Variants in ALS2 observed in about 807,000 individuals in gnomAD.
The protein encoded by ALS2 is alsin.
A neutral mutation model predicts 203.4 loss-of-function variants in ALS2; 117 were observed. The observed-to-expected ratio is 0.58, with a 90% confidence interval of 0.50 to 0.67. The LOEUF is 0.67. ALS2 is among the 30% of genes least tolerant of loss of function. The pLI is 0.00. For synonymous variants in ALS2, 718 were observed against 725.9 expected (o/e 0.99, Z 0.17); for missense variants, 1,715 against 1,989.4 (o/e 0.86, Z 2.62).
At chr2:201,776,171 T>C (rs771685774) in intron 1 of ALS2, among the ~76,000 whole-genome samples, 36 of 152,354 alleles carry the variant, frequency 2.4e-4, no homozygotes, top group African/African-American at 7.5e-4. Context: ...TTTTATCTCA[T>C]GTCACTTTAA....
chr2:201,727,257 T>A lies in ALS2; in HGVS notation c.2934A>T (p.Thr978=). ...AAATGAGAGTGAACTGCTCCTCAGG[T>A]GTAGTTATCTTTAAGCCATTCCTAA... ...AGGVNGLKIT[T]PEEQFTLISS... Residue 978 remains threonine (T), a synonymous_variant, in exon 17 of 34, where the codon ACA becomes ACT. Coordinates refer to ENST00000264276, the MANE Select transcript of ALS2 (RefSeq NM_020919.4). The A allele has an allele frequency of 6.2e-7, 1 of 1,613,450 alleles. No homozygotes were observed.
intron 33 of ALS2, among the ~76,000 whole-genome samples, chr2:201,703,662 C>T (rs1689518965): frequency 6.6e-6 from 1 of 152,070 alleles, no homozygotes; most frequent in Non-Finnish European, 1.5e-5. Flanking sequence ...CCAGGCCACC[C>T]AGATCAAAGA....
rs1469419561 is a variant in ALS2, at chr2:201,753,208, T to C, written c.1675A>G (p.Lys559Glu). The change falls in exon 7 of 34, where the codon AAA becomes GAA. Residue 559 changes from lysine to glutamate, a missense_variant. By Grantham distance (56) the Lys-to-Glu change is moderately conservative. This residue lies in a region of ALS2 where 1,227 missense variants were observed against 1,413.5 expected (regional missense o/e 0.87). Coordinates refer to ENST00000264276, the MANE Select transcript of ALS2 (RefSeq NM_020919.4). ...QPLCVKCLDG[K>E]EVIHLEAGGY... ...CCTGCCTCCAGATGGATTACTTCTTTGCCATCCAGACATTTTACACACAAC... is the reference window on the plus strand; with the variant it reads ...CCTGCCTCCAGATGGATTACTTCTTCGCCATCCAGACATTTTACACACAAC... The C allele has an allele frequency of 6.2e-7, 1 of 1,614,152 alleles. No homozygotes were observed. The highest frequency in any genetic ancestry group is 8.5e-7 in the Non-Finnish European group (1 of 1,180,006).
intron 10 of ALS2, among the ~76,000 whole-genome samples, chr2:201,742,164 C>T (rs1006060813): frequency 5.3e-5 from 8 of 152,208 alleles, no homozygotes; most frequent in Non-Finnish European, 1.0e-4. Flanking sequence ...ATGCAACTCT[C>T]TGGTCATTTT....
chr2:201,738,838 A>G (rs1692055344), intron 11 of ALS2, 103 bp from the exon 12 acceptor site: 6 of 1,040,268 alleles, frequency 5.8e-6, no homozygotes, highest in Non-Finnish European at 8.8e-6. Context: ...TATTTCACCA[A>G]TGAATTTCAG....
chr2:201,708,662 A>G (rs545816389), intron 27 of ALS2, among the ~76,000 whole-genome samples: 3 of 152,336 alleles, frequency 2.0e-5, no homozygotes, highest in East Asian at 3.9e-4. Context: ...TCAAATGATC[A>G]AGGGGATAAA....
chr2:201,768,139 T>C (rs1479177199), intron 2 of ALS2, among the ~76,000 whole-genome samples: 1 of 152,228 alleles, frequency 6.6e-6, no homozygotes, highest in Non-Finnish European at 1.5e-5. Context: ...TTTCACTTTA[T>C]GTTGAGTTTA....
Position 201,706,976 on chromosome 2 carries a change from G to A in ALS2, c.4450C>T (p.Arg1484Trp), listed in dbSNP as rs780684354. The change falls in exon 29 of 34, where the codon CGG (arginine) becomes TGG (tryptophan). Residue 1484 changes from arginine to tryptophan, a missense_variant. Physicochemically the swap from Arg to Trp is moderately radical, Grantham distance 101. Transcript: ENST00000264276. ...SGLLLPVLLP[R>W]LYPPLFMLYA... Reference sequence around the variant, plus strand: ...AGCATAAACAGCGGTGGGTAGAGCCGAGGTAGCAGCACAGGAAGCAATAAT... The same window carrying A: ...AGCATAAACAGCGGTGGGTAGAGCCAAGGTAGCAGCACAGGAAGCAATAAT... 3 of 1,613,964 alleles carry A rather than the reference G, an allele frequency of 1.9e-6. No individual in the cohort carries two copies. Among genetic ancestry groups the A allele is most frequent in the South Asian group, 2.2e-5 (2 of 91,072 alleles).
chr2:201,775,565 T>C (rs867213435), intron 1 of ALS2, among the ~76,000 whole-genome samples: 1 of 152,282 alleles, frequency 6.6e-6, no homozygotes, highest in Middle Eastern at 3.4e-3. Context: ...CAACAACAAC[T>C]GCTACTTCCT....
rs747832870 is a variant in ALS2 at position 201,761,475 on chromosome 2, T to A, written c.519A>T (p.Ala173=). Residue 173 remains alanine, a synonymous_variant, in exon 4 of 34, where the codon GCA becomes GCT. Transcript: ENST00000264276. Reference sequence around the variant, plus strand: ...GACCCAACTGACAACCGGTACCCCATGCCCAAATCTCTCTGCTTATTGACA... The same window carrying A: ...GACCCAACTGACAACCGGTACCCCAAGCCCAAATCTCTCTGCTTATTGACA... The part of the protein sequence containing the change: ...LALSISREIW[A]WGTGCQLGLI... 2 of 1,609,066 alleles carry A rather than the reference T, an allele frequency of 1.2e-6. No individual in the cohort carries two copies. The highest frequency in any genetic ancestry group is 2.7e-5 in the African/African-American group (2 of 74,832).
In ALS2 at chr2:201,779,316, AT is replaced by A. The variant is rs1381184624; in HGVS notation, c.-61+1560del. On this transcript the variant is annotated intron_variant, in intron 1 of 33. Coordinates refer to ENST00000264276, the MANE Select transcript of ALS2 (RefSeq NM_020919.4). ...TTTTTCTGGATCATTACAGTTTCAA[AT>A]TTTAACACTGTTAAACAACTTTGAC... is the stretch of plus-strand genomic sequence containing the variant. Among the ~76,000 whole-genome samples, 10 of 152,334 alleles carry A rather than the reference AT, an allele frequency of 6.6e-5. No individual in the cohort carries two copies. In the East Asian group the frequency reaches 1.9e-3, roughly 29 times the overall value.
intron 23 of ALS2, chr2:201,722,693 T>C: frequency 4.5e-6 from 1 of 224,214 alleles, no homozygotes. Flanking sequence ...AACAAAAACA[T>C]TATACTAAGT....
At chr2:201,759,714 C>T (rs1019485760) in intron 4 of ALS2, 3 of 983,546 alleles carry the variant, frequency 3.1e-6, no homozygotes, top group Non-Finnish European at 3.6e-6. Context: ...GAAATAAAGA[C>T]TATTTCTAAA....
At position 201,766,094 on chromosome 2, in the gene ALS2, G is replaced by A. The variant is rs566098986; in HGVS notation, c.175+1135C>T. 3.3e-5 allele frequency among the ~76,000 whole-genome samples: 5 copies of A among 152,246 alleles called. No individual in the cohort carries two copies. The South Asian group carries it at 6.2e-4, about 19-fold the overall frequency. On this transcript the variant is annotated intron_variant, in intron 3 of 33. Transcript: ENST00000264276. ...ACTAACACATGGGGCTTAGTATAGT[G>A]TCTGGCATACAACTGCTTAACAAAC... is the stretch of plus-strand genomic sequence containing the variant.
At chr2:201,740,489 T>C (rs1289783078) in intron 11 of ALS2, among the ~76,000 whole-genome samples, 1 of 152,072 alleles carries the variant, frequency 6.6e-6, no homozygotes, top group African/African-American at 2.4e-5. Context: ...ATGAGATGAA[T>C]TCAAGTCAAA....
Position 201,761,526 on chromosome 2 carries a change from C to G in ALS2, c.468G>C (p.Ala156=). Residue 156 remains alanine (A), a synonymous_variant, in exon 4 of 34, where the codon GCG becomes GCC. Coordinates refer to ENST00000264276, the MANE Select transcript of ALS2 (RefSeq NM_020919.4). ...PLLAVRILQL[A]CGEEHTLALS... Reference sequence around the variant, plus strand: ...ATGCCAGAGTGTGCTCCTCGCCACACGCCAACTGTAAAATCCTGACTGCTA... The same window carrying G: ...ATGCCAGAGTGTGCTCCTCGCCACAGGCCAACTGTAAAATCCTGACTGCTA... 2.5e-6 allele frequency: 4 copies of G among 1,614,138 alleles called. No individual in the cohort carries two copies. Among genetic ancestry groups the G allele is most frequent in the Middle Eastern group, 1.6e-4 (1 of 6,062 alleles).
At position 201,738,632 on chromosome 2, in the gene ALS2, C is replaced by T. The variant is rs375873976; in HGVS notation, c.2417+38G>A. The T allele has an allele frequency of 6.2e-4, 982 of 1,584,590 alleles. 3 individuals carry two copies. The highest frequency in any genetic ancestry group is 8.2e-4 in the Non-Finnish European group (943 of 1,153,542). On this transcript the variant is annotated intron_variant, in intron 12 of 33. Coordinates refer to ENST00000264276, the MANE Select transcript of ALS2 (RefSeq NM_020919.4). ...GAGCACTATAAAATGTCATCTTTGG[C>T]GGAGAGAATGATAACTGGAAGGTGT...
intron 33 of ALS2, among the ~76,000 whole-genome samples, chr2:201,702,487 T>C (rs1327103119): frequency 6.6e-6 from 1 of 152,202 alleles, no homozygotes; most frequent in Non-Finnish European, 1.5e-5. Flanking sequence ...ATGTTGTTGA[T>C]ATCTATGTTA....
intron 21 of ALS2, 98 bp from the exon 22 acceptor site, chr2:201,723,539 G>C: frequency 9.7e-7 from 1 of 1,031,052 alleles, no homozygotes; most frequent in South Asian, 1.3e-5. Flanking sequence ...TCAACCCTAG[G>C]TTGGTATTGC....
Sources: allele counts gnomAD v4.1 joint callset (sites outside exome capture counted in the v4.1 genomes callset), GRCh38; gene constraint gnomAD v4.1.1; regional missense constraint gnomAD v4.1.1; transcripts MANE v1.5; gene names NCBI Gene and HGNC (gene_info 2026-07-23, HGNC 2026-07-21).